Variants in C13orf42 observed in about 807,000 individuals in gnomAD.
C13orf42 encodes chromosome 13 open reading frame 42.
intron 1 of C13orf42, among the ~76,000 whole-genome samples, chr13:51,091,200 C>G (rs991097963): frequency 6.6e-6 from 1 of 152,168 alleles, no homozygotes; most frequent in African/African-American, 2.4e-5. Flanking sequence ...CCAGTCAATA[C>G]ATGGTCATTA....
chr13:51,157,091 C>T (rs2138044127), intron 1 of C13orf42, among the ~76,000 whole-genome samples: 1 of 152,302 alleles, frequency 6.6e-6, no homozygotes, highest in South Asian at 2.1e-4. Context: ...CAGATCCAGG[C>T]CTAGAACACT....
intron 1 of C13orf42, among the ~76,000 whole-genome samples, chr13:51,132,306 TG>T (rs1377666109): frequency 1.3e-5 from 2 of 151,862 alleles, no homozygotes; most frequent in Non-Finnish European, 2.9e-5. Context: ...CTTGACGTGG[TG>T]GCGTAATCCT....
intron 1 of C13orf42, among the ~76,000 whole-genome samples, chr13:51,138,215 G>T (rs903475713): frequency 6.6e-6 from 1 of 152,208 alleles, no homozygotes; most frequent in Non-Finnish European, 1.5e-5. Context: ...CAACTTTAAA[G>T]TTGTGGCCTG....
Position 51,084,221 on chromosome 13 carries a change from T to C in C13orf42, c.908A>G (p.Tyr303Cys), listed in dbSNP as rs947021639. The change falls in exon 4 of 4, where the codon TAC (tyrosine) becomes TGC (cysteine). Residue 303 changes from tyrosine to cysteine, a missense_variant. Tyr to Cys is a radical substitution (Grantham distance 194, BLOSUM62 -2). Coordinates refer to ENST00000563710, the MANE Select transcript of C13orf42 (RefSeq NM_001351589.3). ...LEPQLSPGED[Y>C]YETENPKGQW... is the part of the protein sequence containing the mutation. ...TCCTTTGGGGTTCTCTGTCTCATAGTAGTCCTCCCCAGGAGACAACTGGGG... is the reference window on the plus strand; with the variant it reads ...TCCTTTGGGGTTCTCTGTCTCATAGCAGTCCTCCCCAGGAGACAACTGGGG... 2.3e-5 allele frequency: 9 copies of C among 398,618 alleles called. No homozygotes were observed. Among genetic ancestry groups the C allele is most frequent in the Middle Eastern group, 6.2e-4 (1 of 1,610 alleles). The allele number at this position is 398,618 out of a possible 1,614,324, so 24.7% of individuals were successfully genotyped here. A position where few individuals can be genotyped will look rare whatever the true frequency, so the allele number is the denominator to read the frequency against.
At chr13:51,158,363 C>T (rs1049706509) in intron 1 of C13orf42, among the ~76,000 whole-genome samples, 1 of 152,206 alleles carries the variant, frequency 6.6e-6, no homozygotes, top group African/African-American at 2.4e-5. Context: ...AAGAAAAGAG[C>T]AGGGAGGGAT....
intron 1 of C13orf42, among the ~76,000 whole-genome samples, chr13:51,098,853 G>A (rs1953260335): frequency 6.6e-6 from 1 of 151,744 alleles, no homozygotes; most frequent in Admixed American, 6.6e-5. Flanking sequence ...GACTTAATTT[G>A]GCAAATTTTA....
At chr13:51,152,401 G>A (rs187106683) in intron 1 of C13orf42, among the ~76,000 whole-genome samples, 47 of 152,332 alleles carry the variant, frequency 3.1e-4, no homozygotes, top group Non-Finnish European at 5.0e-4. Flanking sequence ...GGGCTGAAGT[G>A]CAGTGGCACG....
chr13:51,085,232 A>G (rs931817985), intron 3 of C13orf42, 87 bp downstream of exon 3: 5 of 381,722 alleles, frequency 1.3e-5, no homozygotes, highest in African/African-American at 1.1e-4. Flanking sequence ...GGCATGTAAG[A>G]TGGGGCTGGA....
At chr13:51,147,945 G>A (rs1161394614) in intron 1 of C13orf42, among the ~76,000 whole-genome samples, 1 of 148,808 alleles carries the variant, frequency 6.7e-6, no homozygotes, top group African/African-American at 2.5e-5. Flanking sequence ...CCCGGATTAG[G>A]GGATCTGCAA....
At chr13:51,104,140 C>T (rs565361440) in intron 1 of C13orf42, among the ~76,000 whole-genome samples, 19 of 152,272 alleles carry the variant, frequency 1.2e-4, no homozygotes, top group African/African-American at 4.3e-4. Flanking sequence ...AGAGGGTCCA[C>T]GATCTTTTAA....
chr13:51,140,866 T>C (rs1171374615), intron 1 of C13orf42, among the ~76,000 whole-genome samples: 1 of 152,112 alleles, frequency 6.6e-6, no homozygotes, highest in Non-Finnish European at 1.5e-5. Flanking sequence ...TGGGATTCTG[T>C]CTTGCAAATT....
rs545372380 is a variant in C13orf42 at position 51,162,593 on chromosome 13, C to T, written n.136+9660G>A. On this transcript the variant is annotated intron_variant and non_coding_transcript_variant, in intron 1 of 4. Coordinates refer to the C13orf42 transcript ENST00000433280. ...TATCCCCGGTAATTTTTGTTGGATA[C>T]TGGACATCATCTTTGAAAAGTTACA... 2.0e-4 allele frequency among the ~76,000 whole-genome samples: 31 copies of T among 152,214 alleles called. 1 individual carries two copies. In the South Asian group the frequency reaches 6.4e-3, roughly 32 times the overall value.
At chr13:51,113,294 G>A (rs1953453069), upstream of C13orf42, 2 of 152,296 alleles carry the variant, frequency 1.3e-5, no homozygotes, top group East Asian at 1.9e-4. Flanking sequence ...GAAATGGACA[G>A]GACATTAAGC....
chr13:51,139,369 TG>T (rs1458659287), intron 1 of C13orf42, among the ~76,000 whole-genome samples: 1 of 152,154 alleles, frequency 6.6e-6, no homozygotes. Flanking sequence ...GGATCATGGC[TG>T]CCAGGGGCTG....
chr13:51,153,621 G>GTTTTGTTTTTTTTTTTTTTTTTTTTT (rs1953799386), intron 1 of C13orf42, among the ~76,000 whole-genome samples: 1 of 82,034 alleles, frequency 1.2e-5, no homozygotes, highest in Non-Finnish European at 2.6e-5. Flanking sequence ...CTTGCTTTCT[G>GTTTTGTTTTTTTTTTTTTTTTTTTTT]TTTTTTTTCT....
At chr13:51,136,777 G>A (rs779702889) in intron 1 of C13orf42, among the ~76,000 whole-genome samples, 2 of 152,218 alleles carry the variant, frequency 1.3e-5, no homozygotes, top group Non-Finnish European at 2.9e-5. Context: ...GGAGCCTGGC[G>A]CGAGGCCCTG....
intron 1 of C13orf42, among the ~76,000 whole-genome samples, chr13:51,146,476 G>C (rs1249237905): frequency 6.6e-6 from 1 of 152,180 alleles, no homozygotes; most frequent in East Asian, 1.9e-4. Flanking sequence ...AAGGACGCAC[G>C]CCCATGACAC....
chr13:51,096,282 T>A (rs1953233907), intron 1 of C13orf42, among the ~76,000 whole-genome samples: 1 of 152,130 alleles, frequency 6.6e-6, no homozygotes, highest in Non-Finnish European at 1.5e-5. Context: ...ACCTGATGCT[T>A]GTTAGGATGG....
chr13:51,172,325 G>C (rs1262458942), exon 1 of C13orf42: 3 of 152,034 alleles, frequency 2.0e-5, no homozygotes, highest in Non-Finnish European at 2.9e-5. Flanking sequence ...AGATCTTCTC[G>C]GCTTAGCGGC....
Sources: gnomAD v4.1 joint callset for allele counts (sites outside exome capture counted in the v4.1 genomes callset) on GRCh38, gnomAD v4.1.1 for gene constraint, MANE v1.5 for transcripts, NCBI Gene and HGNC (gene_info 2026-07-23, HGNC 2026-07-21) for gene names.